Variants in NPAS3 observed in about 807,000 individuals in gnomAD.
The protein encoded by NPAS3 is neuronal PAS domain protein 3.
Under a neutral mutation model 73.1 loss-of-function variants are expected in NPAS3, and 14 were observed. The observed-to-expected ratio is 0.19, with a 90% CI of 0.13 to 0.30. The LOEUF is 0.30. NPAS3 is among the 10% of genes least tolerant of loss of function. The pLI, the probability that NPAS3 is intolerant of heterozygous loss-of-function variation, is 1.00. For missense variants in NPAS3, 1,096 were observed against 1,250.0 expected, an observed-to-expected ratio of 0.88 and a Z score of 1.86; for synonymous variants, 620 against 541.5, an observed-to-expected ratio of 1.14 and a Z score of -2.01.
At chr14:32,944,984 T>C (rs2036192538) in intron 1 of NPAS3, among the ~76,000 whole-genome samples, 1 of 152,196 alleles carries the variant, frequency 6.6e-6, no homozygotes. Context: ...ATTGAACCTC[T>C]ACCATGGACC....
At chr14:33,584,923 G>A (rs943106257) in intron 5 of NPAS3, among the ~76,000 whole-genome samples, 1 of 152,150 alleles carries the variant, frequency 6.6e-6, no homozygotes, top group Non-Finnish European at 1.5e-5. Flanking sequence ...GGTTACCTTG[G>A]GTTGATGTAA....
chr14:32,990,513 AT>A (rs1388517604), intron 1 of NPAS3, among the ~76,000 whole-genome samples: 2 of 152,118 alleles, frequency 1.3e-5, no homozygotes, highest in African/African-American at 4.8e-5. Context: ...CTCATTGCCC[AT>A]TTTTTTGAAT....
intron 3 of NPAS3, among the ~76,000 whole-genome samples, chr14:33,259,056 G>A (rs918216385): frequency 3.3e-5 from 5 of 152,226 alleles, no homozygotes; most frequent in South Asian, 4.1e-4. Flanking sequence ...CTCGTGATCC[G>A]CCCTCCTCGG....
chr14:33,307,875 C>T (rs981543865), intron 3 of NPAS3, among the ~76,000 whole-genome samples: 3 of 152,114 alleles, frequency 2.0e-5, no homozygotes, highest in Non-Finnish European at 4.4e-5. Context: ...ATTTTCCTGC[C>T]TGGGTGAGTC....
intron 5 of NPAS3, among the ~76,000 whole-genome samples, chr14:33,655,638 G>A (rs892913660): frequency 2.6e-5 from 4 of 152,098 alleles, no homozygotes; most frequent in African/African-American, 9.7e-5. Flanking sequence ...AAAGGAAGTG[G>A]ATGACTCAGG....
chr14:33,296,167 A>G (rs1249548342), intron 3 of NPAS3, among the ~76,000 whole-genome samples: 1 of 152,224 alleles, frequency 6.6e-6, no homozygotes, highest in African/African-American at 2.4e-5. Flanking sequence ...CAGCAGAATG[A>G]GTTGGACTTT....
chr14:33,513,233 T>C (rs1440673693), intron 4 of NPAS3, among the ~76,000 whole-genome samples: 1 of 152,006 alleles, frequency 6.6e-6, no homozygotes, highest in Non-Finnish European at 1.5e-5. Flanking sequence ...CCAATACTCA[T>C]GAGCTAAGGT....
chr14:33,637,687 T>C (rs931862677), intron 5 of NPAS3, among the ~76,000 whole-genome samples: 1 of 152,266 alleles, frequency 6.6e-6, no homozygotes. Context: ...TTACCTTTTT[T>C]GTTTGCTGTT....
chr14:33,800,277 A>G lies in NPAS3; in HGVS notation c.1970A>G (p.Asn657Ser). The G allele has an allele frequency of 6.2e-7, 1 of 1,613,356 alleles. No homozygotes were observed. The highest frequency in any genetic ancestry group is 8.5e-7 in the Non-Finnish European group (1 of 1,179,638). The change falls in exon 12 of 12, where the codon AAT (asparagine) becomes AGT (serine). Residue 657 changes from asparagine to serine, a missense_variant. Coordinates refer to ENST00000356141, the Ensembl canonical transcript of NPAS3. The surrounding 1 kb of genome is among the most constrained non-coding windows in gnomAD (Gnocchi z 6.5). The stretch of plus-strand genomic sequence containing the variant: ...AAGACGGAGATCTCAGAACCCATCA[A>G]TTTCGACAATGACAGCAGCATCTGG...
intron 2 of NPAS3, among the ~76,000 whole-genome samples, chr14:33,152,090 T>C (rs66638200): frequency 0.081 from 12,329 of 152,102 alleles, 705 homozygotes; most frequent in Non-Finnish European, 0.12. Flanking sequence ...CAAAAGTGTG[T>C]ATATGGGGTC....
At chr14:33,730,042 T>C (rs574140525) in intron 6 of NPAS3, among the ~76,000 whole-genome samples, 55 of 152,288 alleles carry the variant, frequency 3.6e-4, no homozygotes, top group Middle Eastern at 3.4e-3. Flanking sequence ...CATACACACA[T>C]ATATAAATAG....
intron 7 of NPAS3, 107 bp downstream of exon 7, chr14:33,735,439 T>C (rs913243603): frequency 1.5e-5 from 12 of 780,278 alleles, no homozygotes; most frequent in East Asian, 2.5e-5. Context: ...ACATGTGATC[T>C]TGAGGAGCCC....
intron 3 of NPAS3, among the ~76,000 whole-genome samples, chr14:33,299,369 G>A (rs936587617): frequency 1.3e-5 from 2 of 152,140 alleles, no homozygotes; most frequent in East Asian, 3.9e-4. Context: ...GGACATCTGA[G>A]TCTTCTGCTG....
At chr14:33,248,567 G>T (rs1566721867) in intron 3 of NPAS3, among the ~76,000 whole-genome samples, 1 of 152,090 alleles carries the variant, frequency 6.6e-6, no homozygotes, top group African/African-American at 2.4e-5. Flanking sequence ...TATCTAGCTG[G>T]AAAGGTAATG....
At chr14:33,280,458 G>A (rs2041551457) in intron 3 of NPAS3, among the ~76,000 whole-genome samples, 1 of 152,110 alleles carries the variant, frequency 6.6e-6, no homozygotes, top group Non-Finnish European at 1.5e-5. Flanking sequence ...GATGAGCCTC[G>A]GAAGACCTGA....
chr14:33,020,885 T>C (rs1300558844), intron 1 of NPAS3, among the ~76,000 whole-genome samples: 1 of 151,986 alleles, frequency 6.6e-6, no homozygotes, highest in Non-Finnish European at 1.5e-5. Context: ...CTCAGTCTCC[T>C]GAGTAGCTGG....
chr14:33,432,380 A>C (rs1239551377), intron 4 of NPAS3, among the ~76,000 whole-genome samples: 1 of 152,176 alleles, frequency 6.6e-6, no homozygotes, highest in Non-Finnish European at 1.5e-5. Flanking sequence ...TTTCATAAGA[A>C]TATCTGGCCT....
chr14:33,613,040 G>A (rs898652053), intron 5 of NPAS3, among the ~76,000 whole-genome samples: 3 of 152,156 alleles, frequency 2.0e-5, no homozygotes, highest in Admixed American at 6.5e-5. Flanking sequence ...TAGAGATCAG[G>A]TAGTAATGTA....
chr14:33,129,148 C>G (rs1429681135), intron 2 of NPAS3, among the ~76,000 whole-genome samples: 1 of 152,108 alleles, frequency 6.6e-6, no homozygotes, highest in Non-Finnish European at 1.5e-5. Context: ...CAGCTCTGGG[C>G]TCCACTCACT....
Sources: gnomAD v4.1 joint callset for allele counts (sites outside exome capture counted in the v4.1 genomes callset) on GRCh38, gnomAD v4.1.1 for gene constraint, Gnocchi (gnomAD v3.1) non-coding constraint, MANE v1.5 for transcripts, NCBI Gene and HGNC (gene_info 2026-07-23, HGNC 2026-07-21) for gene names.